GNAQ: variants seen among roughly 807,000 people sequenced by gnomAD.
GNAQ encodes the protein G protein subunit alpha q, also known as guanine nucleotide-binding protein G(q) subunit alpha.
In GNAQ, 8 loss-of-function variants were observed where a neutral mutation model predicts 43.9. That is an observed-to-expected ratio of 0.18 (90% CI 0.11 to 0.33). GNAQ has a LOEUF of 0.33. Ranked by LOEUF, GNAQ falls within the 10% of genes least tolerant of loss-of-function variation. The pLI is 1.00. For synonymous variants in GNAQ, 155 were observed against 170.7 expected, an observed-to-expected ratio of 0.91 and a Z score of 0.71; for missense variants, 158 against 450.8, an observed-to-expected ratio of 0.35 and a Z score of 5.88.
rs553927498 is a variant in GNAQ at position 77,841,352 on chromosome 9, T to C, written c.322-25582A>G. 3.1e-4 allele frequency among the ~76,000 whole-genome samples: 47 copies of C among 152,310 alleles called. 1 individual carries two copies. The highest frequency in any genetic ancestry group is 2.6e-3 in the Admixed American group (40 of 15,304). On this transcript the variant is annotated intron_variant, in intron 2 of 6. Transcript: ENST00000286548. ...TCTCACACTGGAGTCAAATTTTACATTGACATTTCCTGCAAGGGCAAATGG... is the reference window on the plus strand; with the variant it reads ...TCTCACACTGGAGTCAAATTTTACACTGACATTTCCTGCAAGGGCAAATGG...
chr9:77,745,727 T>A (rs893011), intron 5 of GNAQ, among the ~76,000 whole-genome samples: 87,994 of 151,238 alleles, frequency 0.58, 27,948 homozygotes, highest in Non-Finnish European at 0.72. Context: ...AATAAAAAAA[T>A]TTTAAAAAAT....
intron 1 of GNAQ, among the ~76,000 whole-genome samples, chr9:77,959,589 C>T (rs191543521): frequency 1.3e-5 from 2 of 152,152 alleles, no homozygotes; most frequent in African/African-American, 4.8e-5. Context: ...ATAACAAGTC[C>T]GTTTTGAATA....
At chr9:77,827,149 C>T (rs1231068174) in intron 2 of GNAQ, among the ~76,000 whole-genome samples, 1 of 151,684 alleles carries the variant, frequency 6.6e-6, no homozygotes, top group Non-Finnish European at 1.5e-5. Context: ...TAGAAAAGGC[C>T]GAATTTCATT....
intron 2 of GNAQ, among the ~76,000 whole-genome samples, chr9:77,837,179 TTC>T (rs1478337321): frequency 6.6e-6 from 1 of 152,166 alleles, no homozygotes; most frequent in African/African-American, 2.4e-5. Context: ...TAATCAGTCT[TTC>T]TCTCTATTCA....
intron 2 of GNAQ, among the ~76,000 whole-genome samples, chr9:77,851,450 G>A (rs991102612): frequency 2.0e-5 from 3 of 152,216 alleles, no homozygotes; most frequent in African/African-American, 7.2e-5. Context: ...TGTGGCTCCT[G>A]AGAAAGTAGA....
chr9:77,781,129 C>T (rs1313137319), intron 5 of GNAQ, among the ~76,000 whole-genome samples: 1 of 151,804 alleles, frequency 6.6e-6, no homozygotes, highest in Non-Finnish European at 1.5e-5. Context: ...TTTATTTTTG[C>T]TTTTGTTGCC....
intron 1 of GNAQ, among the ~76,000 whole-genome samples, chr9:77,983,832 C>A (rs1032676262): frequency 1.3e-4 from 19 of 151,832 alleles, no homozygotes; most frequent in Admixed American, 1.3e-4. Context: ...GGACTCTTTC[C>A]TAGGAAGTCA....
chr9:77,798,247 G>C (rs1371638926), intron 3 of GNAQ, among the ~76,000 whole-genome samples: 1 of 151,984 alleles, frequency 6.6e-6, no homozygotes, highest in Non-Finnish European at 1.5e-5. Flanking sequence ...CCCAATGTTT[G>C]GAGTCACCAC....
chr9:77,725,748 C>A (rs1039378099), intron 6 of GNAQ, among the ~76,000 whole-genome samples: 2 of 152,108 alleles, frequency 1.3e-5, no homozygotes, highest in African/African-American at 4.8e-5. Context: ...AACAGCACTG[C>A]AAGCACTGAT....
At chr9:77,884,319 A>G (rs1013853459) in intron 2 of GNAQ, among the ~76,000 whole-genome samples, 2 of 151,946 alleles carry the variant, frequency 1.3e-5, no homozygotes, top group African/African-American at 4.8e-5. Flanking sequence ...GAGGACCACT[A>G]TGTGCCAGTT....
chr9:77,966,082 A>G (rs1823163824), intron 1 of GNAQ, among the ~76,000 whole-genome samples: 1 of 152,190 alleles, frequency 6.6e-6, no homozygotes, highest in Non-Finnish European at 1.5e-5. Flanking sequence ...AAAAGTGGAC[A>G]TACTGTATGT....
Position 77,933,630 on chromosome 9 carries a change from G to A in GNAQ, c.137-11285C>T, listed in dbSNP as rs1053969806. On this transcript the variant is annotated intron_variant, in intron 1 of 6. Coordinates refer to ENST00000286548, the MANE Select transcript of GNAQ (RefSeq NM_002072.5). The stretch of plus-strand genomic sequence containing the variant: ...ACTGCACTCCTGGGTGACAGAGTAC[G>A]ACCCTGTCTCAAAAAAAAAAAGTGG... 2.5e-5 allele frequency among the ~76,000 whole-genome samples: 3 copies of A among 121,164 alleles called. No homozygotes were observed. The Admixed American group carries it at 2.8e-4, about 11-fold the overall frequency. The allele number at this position is 121,164 out of a possible 152,430, so 79.5% of individuals were successfully genotyped here.
intron 1 of GNAQ, among the ~76,000 whole-genome samples, chr9:77,955,450 T>C (rs903280860): frequency 2.6e-5 from 4 of 152,142 alleles, no homozygotes; most frequent in African/African-American, 9.7e-5. Context: ...CAAGAATGTT[T>C]ACTCCTTAGT....
chr9:77,761,336 C>T (rs1587903552), intron 5 of GNAQ, among the ~76,000 whole-genome samples: 7 of 133,368 alleles, frequency 5.2e-5, no homozygotes, highest in Admixed American at 7.3e-5. Flanking sequence ...GGGTCAGCCC[C>T]CCGCCCGGCC....
In GNAQ at chr9:77,721,511, G is replaced by T; in HGVS notation, c.892C>A (p.Pro298Thr). 1 of 1,600,690 alleles carries T rather than the reference G, an allele frequency of 6.2e-7. No homozygotes were observed. Among genetic ancestry groups the T allele is most frequent in the Non-Finnish European group, 8.5e-7 (1 of 1,170,492 alleles). Residue 298 changes from proline to threonine, a missense_variant and splice_region_variant, in exon 7 of 7, where the codon CCC becomes ACC. Transcript: ENST00000286548. ...CGGGCTGCCTGGGCATCTCTCTGGG[G>T]TCCTTTCGGCCAAGAGACAAGAGGG... is the stretch of plus-strand genomic sequence containing the variant. ...LVDYFPEYDGPQRDAQAAREF... is the reference protein window; with the variant it reads ...LVDYFPEYDGTQRDAQAAREF...
rs550032138 is a variant in GNAQ at position 77,808,497 on chromosome 9, G to A, written c.476+7119C>T. ...ACACTCTGAAGAAGAGCAAACATAT[G>A]CAAGATCAATGTCCTCTTCTGAGCT... On this transcript the variant is annotated intron_variant, in intron 3 of 6. Transcript: ENST00000286548. Among the ~76,000 whole-genome samples the A allele has an allele frequency of 9.2e-5, 14 of 151,786 alleles. 1 individual carries two copies. In the South Asian group the frequency reaches 2.9e-3, roughly 32 times the overall value.
chr9:77,856,681 T>C (rs2117955215), intron 2 of GNAQ, among the ~76,000 whole-genome samples: 1 of 152,328 alleles, frequency 6.6e-6, no homozygotes, highest in South Asian at 2.1e-4. Context: ...GGAAACTTCT[T>C]TGTAAGTAAT....
intron 2 of GNAQ, among the ~76,000 whole-genome samples, chr9:77,911,523 T>C (rs188383997): frequency 1.3e-5 from 2 of 152,298 alleles, no homozygotes; most frequent in African/African-American, 2.4e-5. Flanking sequence ...AAATCAGCTT[T>C]CATTACCTTC....
At chr9:77,850,225 T>G (rs1415153687) in intron 2 of GNAQ, among the ~76,000 whole-genome samples, 1 of 152,234 alleles carries the variant, frequency 6.6e-6, no homozygotes, top group African/African-American at 2.4e-5. Flanking sequence ...TCTTCTCATT[T>G]ATCTGTCAGA....
Sources: allele counts gnomAD v4.1 joint callset (sites outside exome capture counted in the v4.1 genomes callset), GRCh38; gene constraint gnomAD v4.1.1; transcripts MANE v1.5; gene names NCBI Gene and HGNC (gene_info 2026-07-23, HGNC 2026-07-21).